The following PCDHA2 variants were observed in gnomAD, a reference collection of about 807,000 sequenced individuals.
PCDHA2 encodes the protein protocadherin alpha 2, also known as protocadherin alpha-2.
PCDHA2 carries 58 observed loss-of-function variants against 66.0 expected under a neutral mutation model. The observed-to-expected ratio is 0.88, with a 90% CI of 0.71 to 1.09. The LOEUF (loss-of-function observed/expected upper bound fraction) is 1.09, where lower values mean the gene tolerates loss of function less well. Ranked by LOEUF, PCDHA2 falls within the 50% of genes least tolerant of loss-of-function variation. The probability of loss-of-function intolerance (pLI) is 0.00; values close to 1 mark genes in which losing one functional copy is unlikely to be tolerated. For synonymous variants in PCDHA2, 634 were observed against 554.0 expected (o/e 1.14, Z -2.03); for missense variants, 1,267 against 1,242.3 (o/e 1.02, Z -0.30).
At chr5:140,856,856 G>A in intron 1 of PCDHA2, 1 of 1,594,396 alleles carries the variant, frequency 6.3e-7, no homozygotes, top group Non-Finnish European at 8.6e-7. Context: ...TGATTCGGAT[G>A]AAGGAATAAA....
intron 1 of PCDHA2, chr5:140,869,699 C>T (rs10071369): frequency 6.2e-7 from 1 of 1,613,378 alleles, no homozygotes; most frequent in East Asian, 2.2e-5. Context: ...TTAAAGAAGT[C>T]TCTGGATAGA....
intron 3 of PCDHA2, 48 bp from the exon 4 acceptor site, chr5:141,009,579 A>T: frequency 6.3e-7 from 1 of 1,586,202 alleles, no homozygotes; most frequent in Non-Finnish European, 8.6e-7. Context: ...TGTGGCATCA[A>T]GAGCATGTGT....
intron 3 of PCDHA2, among the ~76,000 whole-genome samples, chr5:141,000,248 C>T (rs1027764843): frequency 2.6e-5 from 4 of 151,280 alleles, no homozygotes; most frequent in Non-Finnish European, 4.4e-5. Context: ...GTGGCTGACA[C>T]CTGTGATCCT....
At chr5:141,001,723 A>G (rs936645287) in intron 3 of PCDHA2, among the ~76,000 whole-genome samples, 22 of 152,286 alleles carry the variant, frequency 1.4e-4, no homozygotes, top group African/African-American at 4.8e-4. Context: ...GGAGCTTGAG[A>G]TATTTTACAA....
intron 1 of PCDHA2, among the ~76,000 whole-genome samples, chr5:140,800,655 T>A (rs1210097988): frequency 6.6e-6 from 1 of 152,194 alleles, no homozygotes; most frequent in Non-Finnish European, 1.5e-5. Flanking sequence ...TTAACCTCTA[T>A]GTGTTTATAA....
At chr5:140,833,018 C>T (rs1360278866) in intron 1 of PCDHA2, among the ~76,000 whole-genome samples, 1 of 152,022 alleles carries the variant, frequency 6.6e-6, no homozygotes, top group East Asian at 1.9e-4. Context: ...ACATGGTTCC[C>T]ATAAGAGAGA....
chr5:140,966,318 C>A, intron 1 of PCDHA2: 1 of 389,680 alleles, frequency 2.6e-6, no homozygotes, highest in African/African-American at 2.1e-5. Context: ...TCCTGCGGTC[C>A]GCTGGGATCC....
intron 1 of PCDHA2, chr5:140,884,600 C>T: frequency 6.2e-7 from 1 of 1,614,150 alleles, no homozygotes; most frequent in Non-Finnish European, 8.5e-7. Flanking sequence ...CAGCCTTCCT[C>T]CTTGTCTGGG....
chr5:140,981,612 T>C (rs2096940396), intron 2 of PCDHA2, among the ~76,000 whole-genome samples: 1 of 152,110 alleles, frequency 6.6e-6, no homozygotes, highest in Non-Finnish European at 1.5e-5. Context: ...CCTCTAATTT[T>C]GATGAGGGTT....
intron 1 of PCDHA2, among the ~76,000 whole-genome samples, chr5:140,826,115 C>T (rs888924864): frequency 6.6e-6 from 1 of 152,076 alleles, no homozygotes; most frequent in South Asian, 2.1e-4. Flanking sequence ...TTTATATATT[C>T]CTAATATCCT....
intron 1 of PCDHA2, chr5:140,801,705 TAC>T (rs782584193): frequency 1.3e-5 from 21 of 1,614,104 alleles, no homozygotes; most frequent in Non-Finnish European, 1.8e-5. Context: ...GTTGTTGACT[TAC>T]AGTCTTGATT....
chr5:140,952,914 T>C (rs1020868857), intron 1 of PCDHA2, among the ~76,000 whole-genome samples: 1 of 151,982 alleles, frequency 6.6e-6, no homozygotes, highest in South Asian at 2.1e-4. Context: ...TCATCTTACA[T>C]GGCATGAGCA....
rs1563186680 is a variant in PCDHA2 at position 140,941,223 on chromosome 5, C to CTTTCTT, written c.2389-37724_2389-37719dup. Among the ~76,000 whole-genome samples the CTTTCTT allele has an allele frequency of 6.9e-4, 92 of 132,548 alleles. 1 individual carries two copies. The highest frequency in any genetic ancestry group is 2.7e-3 in the African/African-American group (88 of 33,182). The allele number at this position is 132,548 out of a possible 152,430, so 87.0% of individuals were successfully genotyped here. A position where few individuals can be genotyped will look rare whatever the true frequency, so the allele number is the denominator to read the frequency against. ...TCTTCCTTTCTTTCTTCCTTTCTTT[C>CTTTCTT]TTTCTTTCTTTCTTTCTTTCTTTCT... On this transcript the variant is annotated intron_variant, in intron 1 of 3. Coordinates refer to ENST00000526136, the MANE Select transcript of PCDHA2 (RefSeq NM_018905.3).
intron 1 of PCDHA2, among the ~76,000 whole-genome samples, chr5:140,878,691 A>G (rs2057689901): frequency 6.6e-6 from 1 of 152,168 alleles, no homozygotes; most frequent in Non-Finnish European, 1.5e-5. Context: ...AGTCTTACAT[A>G]CCCCAGCCTG....
intron 3 of PCDHA2, among the ~76,000 whole-genome samples, chr5:140,986,342 C>G (rs1390823261): frequency 4.6e-5 from 7 of 152,184 alleles, no homozygotes; most frequent in African/African-American, 1.7e-4. Flanking sequence ...ACAGTTGCAG[C>G]CTCTTCTTCA....
At chr5:140,826,232 CTATT>C (rs1185758799) in intron 1 of PCDHA2, among the ~76,000 whole-genome samples, 2 of 152,152 alleles carry the variant, frequency 1.3e-5, no homozygotes, top group Non-Finnish European at 2.9e-5. Flanking sequence ...GTGATATAAA[CTATT>C]TATATATCTC....
intron 1 of PCDHA2, among the ~76,000 whole-genome samples, chr5:140,974,825 A>G (rs2096642596): frequency 6.6e-6 from 1 of 152,198 alleles, no homozygotes; most frequent in Admixed American, 6.5e-5. Flanking sequence ...ATGCAACATA[A>G]TGATTATTTT....
chr5:140,841,612 G>A (rs141381378), intron 1 of PCDHA2: 7 of 1,614,012 alleles, frequency 4.3e-6, no homozygotes, highest in African/African-American at 2.7e-5. Context: ...AGCTGTGCGG[G>A]CGGAGCGCGG....
chr5:140,830,074 G>A (rs2150180698), intron 1 of PCDHA2: 47 of 1,613,584 alleles, frequency 2.9e-5, no homozygotes, highest in East Asian at 4.5e-5. Context: ...CGCTGACAGC[G>A]ACGGCCACGG....
Sources: allele counts gnomAD v4.1 joint callset (sites outside exome capture counted in the v4.1 genomes callset), GRCh38; gene constraint gnomAD v4.1.1; transcripts MANE v1.5; gene names NCBI Gene and HGNC (gene_info 2026-07-23, HGNC 2026-07-21).